CDC5L: variants seen among roughly 807,000 people sequenced by gnomAD.
CDC5L encodes cell division cycle 5-like protein.
A neutral mutation model predicts 104.1 loss-of-function variants in CDC5L; 18 were observed. That is an observed-to-expected ratio of 0.17 (90% CI 0.12 to 0.26). CDC5L has a LOEUF of 0.26. Ranked by LOEUF, CDC5L falls within the 10% of genes least tolerant of loss-of-function variation. The pLI, the probability that CDC5L is intolerant of heterozygous loss-of-function variation, is 1.00. For synonymous variants in CDC5L, 331 were observed against 322.7 expected (o/e 1.03, Z -0.28); for missense variants, 673 against 956.9 (o/e 0.70, Z 3.91).
intron 1 of CDC5L, 124 bp downstream of exon 1, chr6:44,387,992 GC>G (rs1324239159): frequency 2.0e-4 from 173 of 851,746 alleles, no homozygotes; most frequent in Middle Eastern, 6.4e-4. Flanking sequence ...CAGCCCGGGG[GC>G]TGACCCTTGG....
Position 44,445,783 on chromosome 6 carries a change from C to G in CDC5L, c.2220C>G (p.Asp740Glu), listed in dbSNP as rs781104127. ...GLMKQLNDLW[D>E]QIEQAHLELR... ...TGAAACAGTTGAATGACTTATGGGA[C>G]CAAATTGAACAGGCTCACTTGGAGT... Residue 740 changes from aspartate to glutamate, a missense_variant, in exon 15 of 16, where the codon GAC becomes GAG. Asp to Glu is a conservative substitution (Grantham distance 45). Coordinates refer to ENST00000371477, the MANE Select transcript of CDC5L (RefSeq NM_001253.4). 1.2e-6 allele frequency: 2 copies of G among 1,613,920 alleles called. No homozygotes were observed. The highest frequency in any genetic ancestry group is 1.7e-6 in the Non-Finnish European group (2 of 1,179,922).
intron 14 of CDC5L, among the ~76,000 whole-genome samples, chr6:44,435,161 G>T (rs938591575): frequency 7.1e-6 from 1 of 141,028 alleles, no homozygotes; most frequent in African/African-American, 2.7e-5. Flanking sequence ...ACTAAACTGG[G>T]ATCATATTCT....
intron 7 of CDC5L, among the ~76,000 whole-genome samples, chr6:44,406,953 C>G (rs758025632): frequency 2.6e-5 from 4 of 151,966 alleles, no homozygotes; most frequent in African/African-American, 4.8e-5. Flanking sequence ...AAAAAAACCC[C>G]ACAAGTAATT....
chr6:44,434,570 G>A (rs1792840344), intron 14 of CDC5L, among the ~76,000 whole-genome samples: 1 of 152,112 alleles, frequency 6.6e-6, no homozygotes, highest in African/African-American at 2.4e-5. Flanking sequence ...AGCTCCCATT[G>A]ACTGCCTGTT....
chr6:44,398,090 G>A (rs957831401), intron 5 of CDC5L, among the ~76,000 whole-genome samples: 1 of 152,146 alleles, frequency 6.6e-6, no homozygotes, highest in Non-Finnish European at 1.5e-5. Context: ...CTGGGATGGA[G>A]GGTTTTTTAA....
At chr6:44,406,941 C>CA (rs200358565) in intron 7 of CDC5L, among the ~76,000 whole-genome samples, 54 of 151,084 alleles carry the variant, frequency 3.6e-4, no homozygotes, top group African/African-American at 1.2e-3. Flanking sequence ...CAAAAAAAAA[C>CA]AAAAAAAACC....
intron 15 of CDC5L, 150 bp from the exon 16 acceptor site, chr6:44,446,457 A>G: frequency 2.2e-6 from 1 of 463,474 alleles, no homozygotes; most frequent in East Asian, 3.5e-5. Context: ...TTTTATAGCA[A>G]AAGTATTTGA....
intron 2 of CDC5L, among the ~76,000 whole-genome samples, chr6:44,391,025 CATATTTAATATGTTA>C (rs1790582138): frequency 2.1e-5 from 1 of 47,428 alleles, no homozygotes; most frequent in South Asian, 4.9e-4. Context: ...ATATATTAAA[CATATTTAATATGTTA>C]TATATTATAT....
intron 1 of CDC5L, 44 bp downstream of exon 1, chr6:44,387,912 A>T: frequency 6.5e-7 from 1 of 1,546,006 alleles, no homozygotes; most frequent in Non-Finnish European, 8.8e-7. Flanking sequence ...CGCTCCCTCT[A>T]GCAGCTTGTG....
At chr6:44,400,866 G>T (rs939309806) in intron 5 of CDC5L, among the ~76,000 whole-genome samples, 1 of 152,170 alleles carries the variant, frequency 6.6e-6, no homozygotes, top group African/African-American at 2.4e-5. Context: ...TTTCAACAAT[G>T]TCCTGGGGCA....
At position 44,422,728 on chromosome 6, in the gene CDC5L, A is replaced by G; in HGVS notation, c.1323A>G (p.Arg441=). Residue 441 remains arginine (R), a synonymous_variant, in exon 10 of 16, where the codon AGA becomes AGG. Coordinates refer to ENST00000371477, the MANE Select transcript of CDC5L (RefSeq NM_001253.4). ...PKPVINSTPG[R]TPLRDKLNIN... ...CAGTTATTAACTCTACTCCGGGTAGAACTCCTCTTCGAGACAAGTTAAACA... is the reference window on the plus strand; with the variant it reads ...CAGTTATTAACTCTACTCCGGGTAGGACTCCTCTTCGAGACAAGTTAAACA... 6.2e-7 allele frequency: 1 copy of G among 1,613,102 alleles called. No individual in the cohort carries two copies. The highest frequency in any genetic ancestry group is 8.5e-7 in the Non-Finnish European group (1 of 1,179,154).
intron 8 of CDC5L, among the ~76,000 whole-genome samples, chr6:44,409,356 T>G (rs914712418): frequency 6.6e-6 from 1 of 152,236 alleles, no homozygotes; most frequent in African/African-American, 2.4e-5. Flanking sequence ...TTTCACACCC[T>G]CTGTGTCCGT....
intron 4 of CDC5L, among the ~76,000 whole-genome samples, chr6:44,394,891 T>TACACACAC (rs57508430): frequency 1.6e-5 from 2 of 125,992 alleles, no homozygotes; most frequent in African/African-American, 6.2e-5. Context: ...AAAAATGGTA[T>TACACACAC]ACACACACAC....
chr6:44,389,796 C>T (rs770712408), intron 1 of CDC5L, among the ~76,000 whole-genome samples: 2 of 152,012 alleles, frequency 1.3e-5, no homozygotes, highest in Non-Finnish European at 2.9e-5. Flanking sequence ...TGGATATGTC[C>T]TGTTTGATAA....
At chr6:44,413,653 G>C (rs1791763524) in intron 8 of CDC5L, among the ~76,000 whole-genome samples, 2 of 152,082 alleles carry the variant, frequency 1.3e-5, no homozygotes, top group African/African-American at 4.8e-5. Flanking sequence ...GTGCAGTCAT[G>C]GCTCACCGAA....
intron 2 of CDC5L, among the ~76,000 whole-genome samples, chr6:44,392,098 GTCCTGTTTGCCTGCCTGTCA>G (rs1465472752): frequency 6.6e-6 from 1 of 152,202 alleles, no homozygotes; most frequent in Non-Finnish European, 1.5e-5. Context: ...TAGGACTTAA[GTCCTGTTTGCCTGCCTGTCA>G]TCCAGCTAAG....
chr6:44,431,905 G>A (rs990978274), intron 14 of CDC5L, among the ~76,000 whole-genome samples: 2 of 152,190 alleles, frequency 1.3e-5, no homozygotes, highest in Admixed American at 6.5e-5. Context: ...TGAAGGATTG[G>A]TGATTTTGGA....
intron 10 of CDC5L, 111 bp downstream of exon 10, chr6:44,422,920 C>A: frequency 1.7e-6 from 1 of 573,304 alleles, no homozygotes; most frequent in Non-Finnish European, 2.9e-6. Flanking sequence ...AGAATCTATA[C>A]ACCTGTGGAT....
In CDC5L at chr6:44,420,528, T is replaced by G. The variant is rs1447801762; in HGVS notation, c.1241+931T>G. Among the ~76,000 whole-genome samples the G allele has an allele frequency of 2.6e-5, 4 of 152,114 alleles. No homozygotes were observed. In the East Asian group the frequency reaches 7.7e-4, roughly 29 times the overall value. Reference sequence around the variant, plus strand: ...CATGCGCCGCCATGCCTGGCTAATTTTGTATTTTTAGTAGAGACAGGGTTT... The same window carrying G: ...CATGCGCCGCCATGCCTGGCTAATTGTGTATTTTTAGTAGAGACAGGGTTT... On this transcript the variant is annotated intron_variant, in intron 9 of 15. Coordinates refer to ENST00000371477, the MANE Select transcript of CDC5L (RefSeq NM_001253.4).
Sources: gnomAD v4.1 joint callset for allele counts (sites outside exome capture counted in the v4.1 genomes callset) on GRCh38, gnomAD v4.1.1 for gene constraint, MANE v1.5 for transcripts, NCBI Gene and HGNC (gene_info 2026-07-23, HGNC 2026-07-21) for gene names.